The following FGFR2 variants were observed in gnomAD, a reference collection of about 807,000 sequenced individuals.
The protein encoded by FGFR2 is BEK fibroblast growth factor receptor.
FGFR2 carries 19 observed loss-of-function variants against 95.9 expected under a neutral mutation model. That is an observed-to-expected ratio of 0.20 (90% CI 0.14 to 0.29). The LOEUF is 0.29. Among genes scored for constraint, FGFR2 ranks in the 10% least tolerant of loss-of-function variants. The pLI is 1.00. For missense variants in FGFR2, 707 were observed against 1,056.9 expected (o/e 0.67, Z 4.59); for synonymous variants, 392 against 393.3 (o/e 1.00, Z 0.04).
intron 13 of FGFR2, among the ~76,000 whole-genome samples, chr10:121,494,726 G>T (rs1398823296): frequency 6.6e-6 from 1 of 152,180 alleles, no homozygotes; most frequent in East Asian, 1.9e-4. Flanking sequence ...TTGGGATAGT[G>T]AATGGATTGA....
chr10:121,502,895 GCTAGGAGC>G (rs1847783557), intron 10 of FGFR2, among the ~76,000 whole-genome samples: 1 of 152,124 alleles, frequency 6.6e-6, no homozygotes, highest in Admixed American at 6.5e-5. Context: ...GAGGACGAGG[GCTAGGAGC>G]TCAAATTCTG....
At chr10:121,498,397 G>C in intron 12 of FGFR2, 98 bp downstream of exon 12, 1 of 808,054 alleles carries the variant, frequency 1.2e-6, no homozygotes, top group East Asian at 2.5e-5. Context: ...ATGCACACAG[G>C]GTGCTCTGGG....
At chr10:121,554,241 G>C (rs1054514275) in intron 4 of FGFR2, among the ~76,000 whole-genome samples, 3 of 152,020 alleles carry the variant, frequency 2.0e-5, no homozygotes, top group African/African-American at 7.2e-5. Context: ...CCCCACCCTG[G>C]TGACTGCTAA....
At chr10:121,482,719 A>G (rs1844919075) in intron 17 of FGFR2, among the ~76,000 whole-genome samples, 1 of 152,354 alleles carries the variant, frequency 6.6e-6, no homozygotes, top group South Asian at 2.1e-4. Flanking sequence ...CTATCTGCAT[A>G]TTGAAGGAGC....
chr10:121,479,658 C>T lies in FGFR2; in HGVS notation c.*199G>A, dbSNP rs1181427380. The T allele has an allele frequency of 6.4e-7, 1 of 1,552,338 alleles. No homozygotes were observed. The highest frequency in any genetic ancestry group is 1.4e-5 in the African/African-American group (1 of 73,188). ...TTGTGGCAGTCCACTGCTCCAGAAA[C>T]CTTCTTCTCCTCCTGGGGAAGATTA... On this transcript the variant is annotated 3_prime_UTR_variant, in exon 18 of 18. Transcript: ENST00000358487.
At chr10:121,535,645 C>T (rs1028466446) in intron 6 of FGFR2, among the ~76,000 whole-genome samples, 7 of 152,186 alleles carry the variant, frequency 4.6e-5, no homozygotes, top group Admixed American at 1.3e-4. Flanking sequence ...TTTAGGGGAG[C>T]CCATTTTATT....
chr10:121,502,027 T>A (rs1270651103), intron 10 of FGFR2, among the ~76,000 whole-genome samples: 2 of 152,206 alleles, frequency 1.3e-5, no homozygotes, highest in African/African-American at 2.4e-5. Context: ...TTTTGAAATG[T>A]TTAGCACTCA....
At chr10:121,488,148 T>C (rs2133840947) in intron 13 of FGFR2, 35 bp from the exon 14 acceptor site, 1 of 1,607,040 alleles carries the variant, frequency 6.2e-7, no homozygotes, top group Non-Finnish European at 8.5e-7. Flanking sequence ...AAATAACTAA[T>C]TTCAAAACAC....
At chr10:121,480,216 C>A (rs1241801822) in intron 17 of FGFR2, 195 bp from the exon 18 acceptor site, 6 of 723,116 alleles carry the variant, frequency 8.3e-6, no homozygotes, top group Admixed American at 5.6e-5. Context: ...TGAACAGAGA[C>A]CCAGCCCACC....
At chr10:121,515,660 C>T (rs576166151) in intron 8 of FGFR2, among the ~76,000 whole-genome samples, 1 of 152,000 alleles carries the variant, frequency 6.6e-6, no homozygotes, top group East Asian at 1.9e-4. Context: ...CTTTCATGAT[C>T]GTCTGTGAAT....
chr10:121,520,277 C>G, intron 6 of FGFR2, 108 bp from the exon 7 acceptor site: 1 of 1,188,536 alleles, frequency 8.4e-7, no homozygotes, highest in Non-Finnish European at 1.2e-6. Flanking sequence ...AGAAAAGCCT[C>G]AAGCCTGCTG....
chr10:121,488,540 C>CAAAAAAAAAAAAA, intron 13 of FGFR2, among the ~76,000 whole-genome samples: 1 of 103,094 alleles, frequency 9.7e-6, no homozygotes, highest in Non-Finnish European at 2.0e-5. Flanking sequence ...GACTCTGTCT[C>CAAAAAAAAAAAAA]AAAAAAAAAA....
At chr10:121,498,667 T>C (rs1847201157) in intron 11 of FGFR2, 62 bp from the exon 12 acceptor site, 1 of 1,372,032 alleles carries the variant, frequency 7.3e-7, no homozygotes. Context: ...GCAGCTACTG[T>C]TAGTTGCCAA....
At chr10:121,564,441 C>T (rs1386068930) in intron 4 of FGFR2, 61 bp downstream of exon 4, 5 of 1,463,140 alleles carry the variant, frequency 3.4e-6, no homozygotes, top group Non-Finnish European at 4.8e-6. Context: ...AGACAGGTGA[C>T]AGGCAGAACT....
At chr10:121,484,240 A>G (rs1485881366) in intron 16 of FGFR2, among the ~76,000 whole-genome samples, 1 of 152,172 alleles carries the variant, frequency 6.6e-6, no homozygotes, top group African/African-American at 2.4e-5. Context: ...TAATGATTCT[A>G]GTTGACACAG....
chr10:121,517,475 G>A lies in FGFR2; in HGVS notation c.940-12C>T, dbSNP rs758424627. On this transcript the variant is annotated splice_polypyrimidine_tract_variant and intron_variant, in intron 7 of 17. Coordinates refer to ENST00000358487, the MANE Select transcript of FGFR2 (RefSeq NM_000141.5). This position sits in a 1 kb window ranked among gnomAD's most constrained non-coding sequence, Gnocchi z 4.7. ...TTAACACCGGCGGCCTAGAAAACAA[G>A]GGAAGCAAAAGAAAAGGCTAGACGA... 5.0e-6 allele frequency: 8 copies of A among 1,614,008 alleles called. No individual in the cohort carries two copies. The highest frequency in any genetic ancestry group is 4.4e-5 in the South Asian group (4 of 91,066).
intron 11 of FGFR2, among the ~76,000 whole-genome samples, chr10:121,500,069 T>C (rs1847394358): frequency 1.3e-5 from 2 of 152,148 alleles, no homozygotes; most frequent in Non-Finnish European, 1.5e-5. Context: ...CATGGGATCT[T>C]CTTTCCGAGA....
At chr10:121,511,452 C>T (rs946325784) in intron 9 of FGFR2, among the ~76,000 whole-genome samples, 2 of 152,196 alleles carry the variant, frequency 1.3e-5, no homozygotes, top group African/African-American at 2.4e-5. Context: ...CACCTTCCCC[C>T]ACCACCCAAT....
chr10:121,579,752 T>C (rs1010957807), intron 2 of FGFR2, among the ~76,000 whole-genome samples: 12 of 152,168 alleles, frequency 7.9e-5, no homozygotes, highest in African/African-American at 2.9e-4. Context: ...AGAATAACCC[T>C]GCAAACACCA....
Sources: gnomAD v4.1 joint callset for allele counts (sites outside exome capture counted in the v4.1 genomes callset) on GRCh38, gnomAD v4.1.1 for gene constraint, Gnocchi (gnomAD v3.1) non-coding constraint, MANE v1.5 for transcripts, NCBI Gene and HGNC (gene_info 2026-07-23, HGNC 2026-07-21) for gene names.